Variants in SAMD12 observed in about 807,000 individuals in gnomAD.
SAMD12 encodes the protein sterile alpha motif domain containing 12.
Under a neutral mutation model 15.0 loss-of-function variants are expected in SAMD12, and 9 were observed. The observed-to-expected ratio is 0.60, with a 90% CI of 0.36 to 1.05. The LOEUF (loss-of-function observed/expected upper bound fraction) is 1.05, where lower values mean the gene tolerates loss of function less well. Among genes scored for constraint, SAMD12 ranks in the 50% least tolerant of loss-of-function variants. SAMD12 has a pLI of 0.01. For missense variants in SAMD12, 230 were observed against 234.2 expected (o/e 0.98, Z 0.12); for synonymous variants, 86 against 90.1 (o/e 0.96, Z 0.25).
At chr8:118,542,525 T>C (rs7843931) in intron 2 of SAMD12, among the ~76,000 whole-genome samples, 64,555 of 151,796 alleles carry the variant, frequency 0.43, 14,001 homozygotes, top group Non-Finnish European at 0.48. Flanking sequence ...CATTTGGAGA[T>C]GGGGAGAGCA....
At chr8:118,224,758 C>G (rs1421941316) in intron 4 of SAMD12, among the ~76,000 whole-genome samples, 1 of 152,174 alleles carries the variant, frequency 6.6e-6, no homozygotes, top group African/African-American at 2.4e-5. Flanking sequence ...AAAATTGCCT[C>G]CTTGGGATAT....
Position 118,379,095 on chromosome 8 carries a change from A to G in SAMD12, c.*322T>C. The G allele has an allele frequency of 9.3e-7, 1 of 1,070,216 alleles. No individual in the cohort carries two copies. The highest frequency in any genetic ancestry group is 1.1e-6 in the Non-Finnish European group (1 of 881,672). The allele number at this position is 1,070,216 out of a possible 1,614,324, so 66.3% of individuals were successfully genotyped here. The stretch of plus-strand genomic sequence containing the variant: ...CCGGTGAAAAGCAAAACAAAAATAC[A>G]ACAAAAACTCCACTTATATCACTGG... On this transcript the variant is annotated 3_prime_UTR_variant, in exon 4 of 4. Transcript: ENST00000314727.
intron 2 of SAMD12, among the ~76,000 whole-genome samples, chr8:118,471,904 C>A (rs939125388): frequency 1.4e-5 from 2 of 145,672 alleles, no homozygotes; most frequent in Admixed American, 1.3e-4. Context: ...ATAGAAAAAA[C>A]AAAACAAAAC....
intron 2 of SAMD12, among the ~76,000 whole-genome samples, chr8:118,445,253 G>GA (rs1412003521): frequency 6.6e-6 from 1 of 152,104 alleles, no homozygotes; most frequent in Non-Finnish European, 1.5e-5. Flanking sequence ...TAAATATCAG[G>GA]AAAAATGGTT....
In SAMD12 at chr8:118,434,897, G is replaced by A. The variant is rs1586714203; in HGVS notation, c.322+4935C>T. 7.2e-5 allele frequency among the ~76,000 whole-genome samples: 2 copies of A among 27,846 alleles called. 1 individual carries two copies. Among genetic ancestry groups the A allele is most frequent in the African/African-American group, 1.6e-4 (2 of 12,552 alleles). 18.3% of individuals were successfully genotyped at this position (27,846 alleles called of 152,430 possible). A position where few individuals can be genotyped will look rare whatever the true frequency, so the allele number is the denominator to read the frequency against. ...GGGCGGATCACGAGGTCAGGAGATC[G>A]AGACCATCCCGGCTAAAAAAACGGT... On this transcript the variant is annotated intron_variant, in intron 3 of 3. Coordinates refer to ENST00000314727, the MANE Select transcript of SAMD12 (RefSeq NM_207506.3).
intron 4 of SAMD12, among the ~76,000 whole-genome samples, chr8:118,207,121 ACT>A (rs1160154225): frequency 2.0e-5 from 3 of 151,774 alleles, no homozygotes; most frequent in Non-Finnish European, 4.4e-5. Context: ...AGTATCTGAA[ACT>A]CTATATATTC....
At chr8:118,161,118 T>G in the SAMD12 span, among the ~76,000 whole-genome samples, 1 of 152,222 alleles carries the variant, frequency 6.6e-6, no homozygotes, top group Non-Finnish European at 1.5e-5. Context: ...GCAAAGGACA[T>G]GAACTCATCA....
chr8:118,162,323 G>A, the SAMD12 span, among the ~76,000 whole-genome samples: 3 of 149,520 alleles, frequency 2.0e-5, no homozygotes, highest in African/African-American at 7.4e-5. Context: ...TTTAAGTGCA[G>A]TTTATTGTAA....
Position 118,485,530 on chromosome 8 carries a change from C to T in SAMD12, c.193-45569G>A, listed in dbSNP as rs10282895. Among the ~76,000 whole-genome samples the T allele has an allele frequency of 2.4e-4, 37 of 152,194 alleles. No individual in the cohort carries two copies. In the South Asian group the frequency reaches 6.2e-3, roughly 26 times the overall value. ...TCTTAATCCTTGTTCTTTCTATAAA[C>T]TTCATTCTGGACTATGACATTTGTG... On this transcript the variant is annotated intron_variant, in intron 2 of 3. Coordinates refer to ENST00000314727, the MANE Select transcript of SAMD12 (RefSeq NM_207506.3).
chr8:118,472,924 G>C (rs1460579841), intron 2 of SAMD12, among the ~76,000 whole-genome samples: 1 of 150,816 alleles, frequency 6.6e-6, no homozygotes, highest in Non-Finnish European at 1.5e-5. Context: ...AAAATGGTCT[G>C]TCCTAGGAGG....
intron 4 of SAMD12, among the ~76,000 whole-genome samples, chr8:118,339,132 C>A (rs555784469): frequency 6.6e-6 from 1 of 152,222 alleles, no homozygotes; most frequent in African/African-American, 2.4e-5. Context: ...GAGTTTGAGA[C>A]CAGCCTGGGC....
intron 2 of SAMD12, among the ~76,000 whole-genome samples, chr8:118,533,343 C>G (rs199805215): frequency 3.9e-5 from 6 of 152,070 alleles, no homozygotes; most frequent in African/African-American, 1.4e-4. Context: ...ATTTGCTGAG[C>G]AGTGCTTTAC....
chr8:118,440,657 AAC>A (rs34419362), intron 2 of SAMD12, among the ~76,000 whole-genome samples: 6,534 of 142,120 alleles, frequency 0.046, 171 homozygotes, highest in African/African-American at 0.078. Context: ...TTATGAGGAA[AAC>A]ACACACACAC....
intron 2 of SAMD12, among the ~76,000 whole-genome samples, chr8:118,493,371 C>G (rs140224223): frequency 2.6e-5 from 4 of 152,286 alleles, no homozygotes; most frequent in Non-Finnish European, 5.9e-5. Flanking sequence ...TCTTTCCTTT[C>G]ACTGGCCTAC....
At chr8:118,451,651 C>T (rs1823087450) in intron 2 of SAMD12, among the ~76,000 whole-genome samples, 1 of 152,114 alleles carries the variant, frequency 6.6e-6, no homozygotes, top group African/African-American at 2.4e-5. Flanking sequence ...GCTGTTGGCA[C>T]TGTGTTAAAA....
chr8:118,463,379 GATTCATCCAGGAATCA>G (rs1332847607), intron 2 of SAMD12, among the ~76,000 whole-genome samples: 3 of 152,078 alleles, frequency 2.0e-5, no homozygotes, highest in Admixed American at 2.0e-4. Flanking sequence ...TCAAGACAAG[GATTCATCCAGGAATCA>G]CAGAGAGCAC....
At chr8:118,179,695 C>A in the SAMD12 span, among the ~76,000 whole-genome samples, 1 of 152,136 alleles carries the variant, frequency 6.6e-6, no homozygotes, top group Non-Finnish European at 1.5e-5. Context: ...TAATGCCAAC[C>A]AAGCACTTAG....
chr8:118,578,305 A>C (rs902104406), intron 2 of SAMD12, among the ~76,000 whole-genome samples: 1 of 152,198 alleles, frequency 6.6e-6, no homozygotes, highest in African/African-American at 2.4e-5. Context: ...GCTATTTTCA[A>C]TGTGTTCTCC....
chr8:118,287,300 T>G (rs1030200216), intron 4 of SAMD12, among the ~76,000 whole-genome samples: 2 of 150,320 alleles, frequency 1.3e-5, no homozygotes, highest in Non-Finnish European at 3.0e-5. Context: ...AATTTTTTTG[T>G]ATTTTTAGTA....
Sources: allele counts gnomAD v4.1 joint callset (sites outside exome capture counted in the v4.1 genomes callset), GRCh38; gene constraint gnomAD v4.1.1; transcripts MANE v1.5; gene names NCBI Gene and HGNC (gene_info 2026-07-23, HGNC 2026-07-21).